SPG11: variants seen among roughly 807,000 people sequenced by gnomAD.
The protein encoded by SPG11 is spatacsin.
SPG11 carries 222 observed loss-of-function variants against 274.0 expected under a neutral mutation model. That is an observed-to-expected ratio of 0.81 (90% CI 0.73 to 0.91). SPG11 has a LOEUF of 0.91. Ranked by LOEUF, SPG11 falls within the 40% of genes least tolerant of loss-of-function variation. The pLI, the probability that SPG11 is intolerant of heterozygous loss-of-function variation, is 0.00. For synonymous variants in SPG11, 1,144 were observed against 1,039.7 expected (o/e 1.10, Z -1.93); for missense variants, 3,114 against 2,872.7 (o/e 1.08, Z -1.92).
At chr15:44,645,991 C>T (rs1046596509) in intron 7 of SPG11, among the ~76,000 whole-genome samples, 8 of 152,012 alleles carry the variant, frequency 5.3e-5, no homozygotes, top group African/African-American at 1.2e-4. Context: ...CAGGTGCTAG[C>T]GAGGTTGCAG....
chr15:44,572,613 T>A (rs761517054), intron 33 of SPG11, 70 bp downstream of exon 33: 30 of 1,558,698 alleles, frequency 1.9e-5, no homozygotes, highest in Middle Eastern at 1.7e-4. Flanking sequence ...AATCAAGTTT[T>A]GGAGAGACTG....
At chr15:44,596,983 CAAAA>C (rs762904737) in intron 23 of SPG11, 40 bp from the exon 24 acceptor site, 2 of 1,597,672 alleles carry the variant, frequency 1.3e-6, no homozygotes, top group African/African-American at 2.7e-5. Context: ...CAAGAAAAAA[CAAAA>C]AACTCATTAA....
At chr15:44,623,754 C>CT (rs2083818759) in intron 11 of SPG11, among the ~76,000 whole-genome samples, 2 of 150,300 alleles carry the variant, frequency 1.3e-5, no homozygotes, top group Non-Finnish European at 2.9e-5. Flanking sequence ...GAGTACTTTT[C>CT]TTTTCTTTTT....
chr15:44,653,828 C>G (rs2141112851), intron 4 of SPG11, among the ~76,000 whole-genome samples: 1 of 152,240 alleles, frequency 6.6e-6, no homozygotes, highest in East Asian at 1.9e-4. Context: ...ATACAGTTGA[C>G]CCTTGAATAT....
At chr15:44,570,489 C>G (rs781072777) in intron 34 of SPG11, 36 bp downstream of exon 34, 17 of 1,613,706 alleles carry the variant, frequency 1.1e-5, no homozygotes, top group Non-Finnish European at 1.4e-5. Context: ...CAAAGGTTTC[C>G]ACAGGATGGA....
At chr15:44,572,304 A>C (rs1373520136) in intron 33 of SPG11, among the ~76,000 whole-genome samples, 1 of 152,264 alleles carries the variant, frequency 6.6e-6, no homozygotes, top group African/African-American at 2.4e-5. Context: ...CATTATGGAA[A>C]ATAAACAGGC....
At position 44,636,925 on chromosome 15, in the gene SPG11, C is replaced by CAAAAAAAAAAAAAAAAAAAAAAAAAA. The variant is rs370928375; in HGVS notation, c.1603-3314_1603-3289dup. 3.6e-4 allele frequency among the ~76,000 whole-genome samples: 7 copies of CAAAAAAAAAAAAAAAAAAAAAAAAAA among 19,452 alleles called. 1 individual carries two copies. Among genetic ancestry groups the CAAAAAAAAAAAAAAAAAAAAAAAAAA allele is most frequent in the Admixed American group, 7.7e-4 (1 of 1,300 alleles). 12.8% of individuals were successfully genotyped at this position (19,452 alleles called of 152,430 possible). ...TGGGCAACAGAGCAAGACTCCATCT[C>CAAAAAAAAAAAAAAAAAAAAAAAAAA]AAAAAAAAAAAAAAAAAAAAAAAAA... On this transcript the variant is annotated intron_variant, in intron 7 of 39. Transcript: ENST00000261866.
intron 20 of SPG11, among the ~76,000 whole-genome samples, chr15:44,600,916 G>A (rs2083169506): frequency 6.6e-6 from 1 of 152,222 alleles, no homozygotes; most frequent in Admixed American, 6.5e-5. Flanking sequence ...CACTTTGGGA[G>A]ACTAAGGCAG....
chr15:44,563,751 C>A (rs1198110033), intron 39 of SPG11, among the ~76,000 whole-genome samples: 1 of 152,094 alleles, frequency 6.6e-6, no homozygotes, highest in Non-Finnish European at 1.5e-5. Context: ...TGCAGCCTCC[C>A]GAGTAACTAG....
At chr15:44,598,445 T>C in intron 22 of SPG11, 72 bp from the exon 23 acceptor site, 1 of 1,437,476 alleles carries the variant, frequency 7.0e-7, no homozygotes, top group South Asian at 1.2e-5. Flanking sequence ...GTTTGAATAG[T>C]GTGGCTCAGG....
intron 9 of SPG11, 101 bp downstream of exon 9, chr15:44,629,132 T>A: frequency 7.5e-7 from 1 of 1,340,486 alleles, no homozygotes; most frequent in Non-Finnish European, 1.1e-6. Context: ...ATGTAGTAAA[T>A]GGCGTGCCAC....
At chr15:44,587,715 A>AC (rs2082801944) in intron 28 of SPG11, among the ~76,000 whole-genome samples, 4 of 151,092 alleles carry the variant, frequency 2.6e-5, no homozygotes, top group East Asian at 1.9e-4. Flanking sequence ...AAAAAAAAAA[A>AC]AAAAACGTAT....
chr15:44,659,554 C>A (rs746517680), intron 2 of SPG11, among the ~76,000 whole-genome samples: 6 of 151,924 alleles, frequency 3.9e-5, no homozygotes, highest in Non-Finnish European at 5.9e-5. Context: ...AAGGAGTATT[C>A]AAAAAAGCCA....
intron 8 of SPG11, 150 bp downstream of exon 8, chr15:44,633,355 A>AAAAAAAAAAAAAAAAAAAAT (rs2084133529): frequency 3.0e-6 from 1 of 336,064 alleles, no homozygotes; most frequent in African/African-American, 2.3e-5. Flanking sequence ...AAAAAAAAAA[A>AAAAAAAAAAAAAAAAAAAAT]AAAAAAAGAA....
At position 44,652,253 on chromosome 15, in the gene SPG11, GT is replaced by G; in HGVS notation, c.882del (p.His295ThrfsTer8). 1 of 1,614,008 alleles carries G rather than the reference GT, an allele frequency of 6.2e-7. No individual in the cohort carries two copies. The highest frequency in any genetic ancestry group is 2.2e-5 in the East Asian group (1 of 44,858). On this transcript the variant is annotated frameshift_variant, in exon 5 of 40. Transcript: ENST00000261866. LOFTEE classifies it high-confidence loss of function. ...TCTAGTATTCTTTCACACAGTAGGT[GT>G]CCTGGGTGTTGCCTACATTTAAAAA... ...NLNLYFRQHP[G>X]HLLCERILED...
Position 44,589,348 on chromosome 15 carries a change from A to G in SPG11, c.4810T>C (p.Phe1604Leu), listed in dbSNP as rs116807842. The change falls in exon 28 of 40, where the codon TTC (phenylalanine) becomes CTC (leucine). Residue 1604 changes from phenylalanine (F) to leucine (L), a missense_variant. Physicochemically the swap from Phe to Leu is conservative, Grantham distance 22 (BLOSUM62 0). Transcript: ENST00000261866. ...TGCTGTAGCATAAGCTTCAAAAGGA[A>G]ACACACCTGATCCTCCAGCCACATG... Reference protein sequence around the residue: ...PAMWLEDQVCFLLKLMLQQCK... With the variant: ...PAMWLEDQVCLLLKLMLQQCK... 2,770 of 1,614,178 alleles carry G rather than the reference A, an allele frequency of 1.7e-3. 46 individuals carry two copies. The African/African-American group carries it at 0.032, about 19-fold the overall frequency.
intron 6 of SPG11, 73 bp from the exon 7 acceptor site, chr15:44,649,084 T>C: frequency 8.6e-7 from 1 of 1,163,012 alleles, no homozygotes; most frequent in Non-Finnish European, 1.3e-6. Context: ...AATTGATTTT[T>C]AATTACTCAA....
rs1595875823 is a variant in SPG11 at position 44,608,480 on chromosome 15, G to C, written c.3417C>G (p.Val1139=). The change falls in exon 19 of 40, where the codon GTC becomes GTG. Residue 1139 remains valine (V), a synonymous_variant. Coordinates refer to ENST00000261866, the MANE Select transcript of SPG11 (RefSeq NM_025137.4). ...ALFPQCTPPS[V]LPSDITIYHL... ...GGTAGATTGTAATATCAGATGGCAG[G>C]ACACTAGGAGGAGTGCACTGTGGGA... The C allele has an allele frequency of 6.2e-7, 1 of 1,614,004 alleles. No homozygotes were observed. The highest frequency in any genetic ancestry group is 8.5e-7 in the Non-Finnish European group (1 of 1,180,012).
chr15:44,626,277 TAAC>T, intron 11 of SPG11, 51 bp downstream of exon 11: 2 of 1,442,784 alleles, frequency 1.4e-6, no homozygotes, highest in Non-Finnish European at 1.9e-6. Context: ...AATTTTATAA[TAAC>T]TAGAAATTAT....
Sources: allele counts gnomAD v4.1 joint callset (sites outside exome capture counted in the v4.1 genomes callset), GRCh38; gene constraint gnomAD v4.1.1; transcripts MANE v1.5; gene names NCBI Gene and HGNC (gene_info 2026-07-23, HGNC 2026-07-21).